Variants in CLPX observed in about 807,000 individuals in gnomAD.
The protein encoded by CLPX is caseinolytic mitochondrial matrix peptidase chaperone subunit X.
A neutral mutation model predicts 76.4 loss-of-function variants in CLPX; 34 were observed. The observed-to-expected ratio is 0.45, with a 90% CI of 0.34 to 0.59. The LOEUF is 0.59. Ranked by LOEUF, CLPX falls within the 20% of genes least tolerant of loss-of-function variation. The probability of loss-of-function intolerance (pLI) is 0.01; values close to 1 mark genes in which losing one functional copy is unlikely to be tolerated. For synonymous variants in CLPX, 248 were observed against 270.9 expected, an observed-to-expected ratio of 0.92 and a Z score of 0.83; for missense variants, 613 against 757.0, an observed-to-expected ratio of 0.81 and a Z score of 2.23.
chr15:65,173,329 C>T (rs1469869267), intron 3 of CLPX, among the ~76,000 whole-genome samples: 12 of 145,768 alleles, frequency 8.2e-5, no homozygotes, highest in Middle Eastern at 6.9e-3. Flanking sequence ...ATAGTGCCAC[C>T]GCACTCCAAC....
At chr15:65,156,646 C>T (rs2087792749) in intron 9 of CLPX, 198 bp downstream of exon 9, 4 of 448,830 alleles carry the variant, frequency 8.9e-6, no homozygotes, top group South Asian at 5.5e-5. Context: ...TTTAAATTTC[C>T]TAACAAGGTA....
At chr15:65,158,839 T>C in intron 6 of CLPX, 88 bp from the exon 7 acceptor site, 3 of 1,082,388 alleles carry the variant, frequency 2.8e-6, no homozygotes, top group Non-Finnish European at 3.9e-6. Flanking sequence ...TAAAACTAAA[T>C]ATCGACATAG....
chr15:65,166,222 G>A (rs947938559), intron 4 of CLPX, among the ~76,000 whole-genome samples: 17 of 151,944 alleles, frequency 1.1e-4, no homozygotes, highest in African/African-American at 4.1e-4. Context: ...CCATAAAATA[G>A]ACCAATTTAA....
chr15:65,164,221 T>A, intron 4 of CLPX, 33 bp from the exon 5 acceptor site: 1 of 1,544,156 alleles, frequency 6.5e-7, no homozygotes, highest in South Asian at 1.2e-5. Flanking sequence ...TAATTTAATA[T>A]GAGCTATTAT....
intron 3 of CLPX, among the ~76,000 whole-genome samples, chr15:65,176,713 G>T (rs997398996): frequency 6.7e-6 from 1 of 149,676 alleles, no homozygotes; most frequent in Admixed American, 6.7e-5. Context: ...CTCCTGCCTC[G>T]GCTTCCTGAG....
intron 1 of CLPX, among the ~76,000 whole-genome samples, chr15:65,182,323 T>A (rs2088186156): frequency 6.6e-6 from 1 of 152,042 alleles, no homozygotes; most frequent in Non-Finnish European, 1.5e-5. Context: ...ATAGATCTTC[T>A]CAGAATAATA....
intron 3 of CLPX, 54 bp downstream of exon 3, chr15:65,178,880 A>T: frequency 1.0e-6 from 1 of 963,068 alleles, no homozygotes; most frequent in Non-Finnish European, 1.6e-6. Context: ...TTATACACTT[A>T]GTAATTTACA....
intron 9 of CLPX, 182 bp downstream of exon 9, chr15:65,156,662 T>C (rs975335703): frequency 4.6e-5 from 20 of 434,728 alleles, no homozygotes; most frequent in African/African-American, 3.9e-4. Context: ...AGGTAATTTG[T>C]TATTTCAAAT....
Position 65,174,816 on chromosome 15 carries a change from T to C in CLPX, c.358+4118A>G, listed in dbSNP as rs537881035. Among the ~76,000 whole-genome samples the C allele has an allele frequency of 2.0e-5, 3 of 152,284 alleles. No homozygotes were observed. The South Asian group carries it at 6.2e-4, about 32-fold the overall frequency. On this transcript the variant is annotated intron_variant, in intron 3 of 13. Transcript: ENST00000300107. The stretch of plus-strand genomic sequence containing the variant: ...TATATGCTGGCCATTATGTGTTTGG[T>C]TGAATAAAAGCTAGGTATAAGTAGG...
chr15:65,167,141 G>A (rs2087926433), intron 3 of CLPX, among the ~76,000 whole-genome samples: 1 of 151,998 alleles, frequency 6.6e-6, no homozygotes, highest in Admixed American at 6.6e-5. Context: ...TGTGATCTCG[G>A]CTCACTGCAA....
Position 65,148,416 on chromosome 15 carries a change from T to C in CLPX, c.*2407A>G, listed in dbSNP as rs2087679805. 6.6e-6 allele frequency: 1 copy of C among 152,164 alleles called. No homozygotes were observed. Among genetic ancestry groups the C allele is most frequent in the Admixed American group, 6.5e-5 (1 of 15,268 alleles). The allele number at this position is 152,164 out of a possible 1,614,324, so 9.4% of individuals were successfully genotyped here. On this transcript the variant is annotated 3_prime_UTR_variant, in exon 14 of 14. Transcript: ENST00000300107. ...GTTTAGCAGCTAGTCTGATTTCCACTCTACAAAAAGGAAAATGATGCTATA... is the reference window on the plus strand; with the variant it reads ...GTTTAGCAGCTAGTCTGATTTCCACCCTACAAAAAGGAAAATGATGCTATA...
At chr15:65,180,286 G>C in intron 1 of CLPX, 82 bp from the exon 2 acceptor site, 1 of 1,096,826 alleles carries the variant, frequency 9.1e-7, no homozygotes, top group Non-Finnish European at 1.3e-6. Flanking sequence ...GAGCATAAAG[G>C]AGGTTGAAAA....
At chr15:65,158,318 G>T (rs964017580) in intron 7 of CLPX, 6 of 375,792 alleles carry the variant, frequency 1.6e-5, no homozygotes, top group Admixed American at 4.4e-5. Context: ...CACTACATCC[G>T]ATCTATTATT....
At chr15:65,158,843 G>A (rs867451144) in intron 6 of CLPX, 92 bp from the exon 7 acceptor site, 11 of 1,044,854 alleles carry the variant, frequency 1.1e-5, no homozygotes, top group African/African-American at 9.8e-5. Context: ...ACTAAATATC[G>A]ACATAGAAAA....
chr15:65,169,101 G>C (rs1243999227), intron 3 of CLPX, among the ~76,000 whole-genome samples: 1 of 149,462 alleles, frequency 6.7e-6, no homozygotes, highest in African/African-American at 2.5e-5. Context: ...TCGCCTCACT[G>C]CAAGCTCCAC....
At chr15:65,154,452 T>C (rs1270291793) in intron 11 of CLPX, among the ~76,000 whole-genome samples, 1 of 152,176 alleles carries the variant, frequency 6.6e-6, no homozygotes, top group Non-Finnish European at 1.5e-5. Context: ...TATAAAAATA[T>C]ACACAGTATG....
chr15:65,179,118 T>G (rs1410215271), intron 2 of CLPX, 67 bp from the exon 3 acceptor site: 10 of 791,000 alleles, frequency 1.3e-5, no homozygotes, highest in Non-Finnish European at 2.0e-5. Context: ...AACTTAAATG[T>G]AAACAATACT....
intron 3 of CLPX, among the ~76,000 whole-genome samples, chr15:65,178,604 C>T (rs1285973164): frequency 6.6e-6 from 1 of 151,522 alleles, no homozygotes; most frequent in Non-Finnish European, 1.5e-5. Context: ...TCTCTGTCAC[C>T]CAGGATGGGG....
chr15:65,154,948 A>C lies in CLPX; in HGVS notation c.1445T>G (p.Val482Gly). The C allele has an allele frequency of 1.2e-6, 2 of 1,614,178 alleles. No homozygotes were observed. Among genetic ancestry groups the C allele is most frequent in the Non-Finnish European group, 1.7e-6 (2 of 1,180,030 alleles). ...AAACTCAATCAGATCTCTGGCTTCC[A>C]CATGACGCAATAACCGATCTTTTTC... Reference protein sequence around the residue: ...IEEKDRLLRHVEARDLIEFGM... With the variant: ...IEEKDRLLRHGEARDLIEFGM... Residue 482 changes from valine (V) to glycine (G), a missense_variant, in exon 11 of 14, where the codon GTG (valine) becomes GGG (glycine). Physicochemically the swap from Val to Gly is moderately radical, Grantham distance 109. Transcript: ENST00000300107.
Sources: gnomAD v4.1 joint callset for allele counts (sites outside exome capture counted in the v4.1 genomes callset) on GRCh38, gnomAD v4.1.1 for gene constraint, MANE v1.5 for transcripts, NCBI Gene and HGNC (gene_info 2026-07-23, HGNC 2026-07-21) for gene names.